Variants in NSMCE1 observed in about 807,000 individuals in gnomAD.
NSMCE1 encodes the protein NSE1 component of SMC5/6 complex, also known as non-structural maintenance of chromosomes element 1 homolog.
In NSMCE1, 18 loss-of-function variants were observed where a neutral mutation model predicts 29.6. That is an observed-to-expected ratio of 0.61 (90% CI 0.42 to 0.90). The LOEUF (loss-of-function observed/expected upper bound fraction) is 0.90. Ranked by LOEUF, NSMCE1 falls within the 40% of genes least tolerant of loss-of-function variation. NSMCE1 has a pLI of 0.00. For synonymous variants in NSMCE1, 124 were observed against 133.4 expected (o/e 0.93, Z 0.49); for missense variants, 314 against 343.6 (o/e 0.91, Z 0.68).
intron 2 of NSMCE1, among the ~76,000 whole-genome samples, chr16:27,252,716 C>T (rs1242596093): frequency 3.3e-5 from 5 of 152,106 alleles, no homozygotes; most frequent in Admixed American, 2.6e-4. Context: ...GTCAGAAGTT[C>T]GAGACCAGCC....
At chr16:27,235,411 C>T in intron 2 of NSMCE1, 112 bp from the exon 3 acceptor site, 2 of 1,224,702 alleles carry the variant, frequency 1.6e-6, no homozygotes, top group East Asian at 2.4e-5. Context: ...CAACCCCAGA[C>T]ATGGGTGGAG....
chr16:27,261,407 A>C (rs897700724), intron 1 of NSMCE1, among the ~76,000 whole-genome samples: 4 of 151,988 alleles, frequency 2.6e-5, no homozygotes, highest in African/African-American at 4.8e-5. Flanking sequence ...AATTAACTGC[A>C]AATGAGACAA....
At chr16:27,227,135 G>A (rs2083707095) in intron 5 of NSMCE1, among the ~76,000 whole-genome samples, 1 of 152,256 alleles carries the variant, frequency 6.6e-6, no homozygotes, top group African/African-American at 2.4e-5. Flanking sequence ...GAGGGAGGCA[G>A]TCACAGCCCT....
At chr16:27,225,330 A>G in intron 7 of NSMCE1, 94 bp from the exon 8 acceptor site, 1 of 769,030 alleles carries the variant, frequency 1.3e-6, no homozygotes. Flanking sequence ...TCCTGTGCCA[A>G]GGACTGTCCT....
rs117635961 is a variant in NSMCE1, at chr16:27,225,086, G to A, written c.*71C>T. 4.2e-4 allele frequency: 350 copies of A among 834,176 alleles called. No individual in the cohort carries two copies. Among genetic ancestry groups the A allele is most frequent in the Middle Eastern group, 1.1e-3 (5 of 4,390 alleles). 51.7% of individuals were successfully genotyped at this position (834,176 alleles called of 1,614,324 possible). On this transcript the variant is annotated 3_prime_UTR_variant, in exon 8 of 8. Coordinates refer to ENST00000361439, the MANE Select transcript of NSMCE1 (RefSeq NM_145080.4). ...CTCGCGTGGAACCTGAAACACGGAC[G>A]CCTTTCTTCCAAGAAGGGCTGTGGC...
At chr16:27,229,767 C>A (rs919902945) in intron 5 of NSMCE1, among the ~76,000 whole-genome samples, 3 of 152,150 alleles carry the variant, frequency 2.0e-5, no homozygotes, top group African/African-American at 4.8e-5. Flanking sequence ...TTAGTAGAGA[C>A]AGGGTTTCAC....
chr16:27,240,963 A>G (rs866914770), intron 2 of NSMCE1, among the ~76,000 whole-genome samples: 53 of 152,314 alleles, frequency 3.5e-4, no homozygotes, highest in African/African-American at 1.2e-3. Flanking sequence ...AGTCTCAGCT[A>G]CTTGGGAGGC....
intron 4 of NSMCE1, among the ~76,000 whole-genome samples, 168 bp from the exon 5 acceptor site, chr16:27,233,315 G>T (rs2083781988): frequency 2.0e-5 from 3 of 152,234 alleles, no homozygotes; most frequent in Non-Finnish European, 4.4e-5. Context: ...CAAGAGCCAG[G>T]ACTGTGCTCA....
At chr16:27,263,050 A>C (rs2141012223) in intron 1 of NSMCE1, among the ~76,000 whole-genome samples, 1 of 152,326 alleles carries the variant, frequency 6.6e-6, no homozygotes, top group East Asian at 1.9e-4. Flanking sequence ...AAAATAACAG[A>C]TGCTGGCAAG....
intron 6 of NSMCE1, chr16:27,226,069 C>G: frequency 2.0e-6 from 1 of 495,824 alleles, no homozygotes; most frequent in Non-Finnish European, 3.6e-6. Context: ...AACACATGAA[C>G]GCAGTGACAG....
At chr16:27,253,622 G>A (rs888323771) in intron 2 of NSMCE1, among the ~76,000 whole-genome samples, 4 of 152,094 alleles carry the variant, frequency 2.6e-5, no homozygotes, top group African/African-American at 7.2e-5. Flanking sequence ...CTCCTGTGCC[G>A]ACTTCTATCA....
intron 2 of NSMCE1, among the ~76,000 whole-genome samples, chr16:27,244,520 TC>T (rs966842656): frequency 5.9e-5 from 9 of 151,976 alleles, no homozygotes; most frequent in African/African-American, 2.2e-4. Flanking sequence ...TGCCTTTCTG[TC>T]CCCCACTCCC....
Position 27,233,484 on chromosome 16 carries a change from C to T in NSMCE1, c.337-337G>A, listed in dbSNP as rs186419641. Among the ~76,000 whole-genome samples the T allele has an allele frequency of 5.9e-5, 9 of 152,304 alleles. No homozygotes were observed. The East Asian group carries it at 1.4e-3, about 23-fold the overall frequency. ...CCGCTGGGGAAGACAGGTTCCTGCACACGCAGGTGTGTGCTCAGCTCAGCA... is the reference window on the plus strand; with the variant it reads ...CCGCTGGGGAAGACAGGTTCCTGCATACGCAGGTGTGTGCTCAGCTCAGCA... On this transcript the variant is annotated intron_variant, in intron 4 of 7. Transcript: ENST00000361439.
chr16:27,248,253 T>C (rs557896786), intron 2 of NSMCE1, among the ~76,000 whole-genome samples: 4 of 152,262 alleles, frequency 2.6e-5, no homozygotes, highest in African/African-American at 7.2e-5. Context: ...GCCACACTGT[T>C]TTCCTAAATG....
chr16:27,250,549 T>C (rs1596688970), intron 2 of NSMCE1, among the ~76,000 whole-genome samples: 1 of 151,822 alleles, frequency 6.6e-6, no homozygotes, highest in Non-Finnish European at 1.5e-5. Context: ...CCCAGCACTT[T>C]GGGAAGCCAA....
rs1302364786 is a variant in NSMCE1 at position 27,235,207 on chromosome 16, C to T, written c.229G>A (p.Glu77Lys). 1 of 1,614,062 alleles carries T rather than the reference C, an allele frequency of 6.2e-7. No individual in the cohort carries two copies. The highest frequency in any genetic ancestry group is 8.5e-7 in the Non-Finnish European group (1 of 1,179,978). The change falls in exon 3 of 8, where the codon GAA becomes AAA. Residue 77 changes from glutamate (E) to lysine (K), a missense_variant. Transcript: ENST00000361439. Reference sequence around the variant, plus strand: ...GCATAAATGGGTCTCCCATCATCTTCCGTGACTCCTCTCTTTATCTCAATA... The same window carrying T: ...GCATAAATGGGTCTCCCATCATCTTTCGTGACTCCTCTCTTTATCTCAATA... ...LYIEIKRGVT[E>K]DDGRPIYALV...
intron 2 of NSMCE1, among the ~76,000 whole-genome samples, chr16:27,239,214 T>C (rs1373423542): frequency 6.6e-6 from 1 of 152,158 alleles, no homozygotes; most frequent in African/African-American, 2.4e-5. Flanking sequence ...GGTCTCTTGC[T>C]TGCTCCCAAG....
intron 1 of NSMCE1, among the ~76,000 whole-genome samples, chr16:27,261,447 TATCA>T (rs1458975884): frequency 2.0e-5 from 3 of 152,000 alleles, no homozygotes; most frequent in African/African-American, 7.2e-5. Flanking sequence ...TTAAAAATAT[TATCA>T]ATAATTTATA....
At chr16:27,265,161 CTT>C (rs5816427) in intron 1 of NSMCE1, among the ~76,000 whole-genome samples, 13 of 82,684 alleles carry the variant, frequency 1.6e-4, no homozygotes, top group South Asian at 5.5e-4. Context: ...AATTCTTTTC[CTT>C]TTTTTTTTTT....
Sources: gnomAD v4.1 joint callset for allele counts (sites outside exome capture counted in the v4.1 genomes callset) on GRCh38, gnomAD v4.1.1 for gene constraint, MANE v1.5 for transcripts, NCBI Gene and HGNC (gene_info 2026-07-23, HGNC 2026-07-21) for gene names.